TBCD: variants seen among roughly 807,000 people sequenced by gnomAD.
The protein encoded by TBCD is tubulin folding cofactor D, also known as tubulin-specific chaperone D.
A neutral mutation model predicts 169.3 loss-of-function variants in TBCD; 105 were observed. The ratio of observed to expected loss-of-function variants is 0.62; its 90% CI spans 0.53 to 0.73. TBCD has a LOEUF of 0.73. Among genes scored for constraint, TBCD ranks in the 30% least tolerant of loss-of-function variants. TBCD has a pLI of 0.00. For missense variants in TBCD, 1,444 were observed against 1,600.1 expected (o/e 0.90, Z 1.66); for synonymous variants, 700 against 643.9 (o/e 1.09, Z -1.32).
intron 30 of TBCD, among the ~76,000 whole-genome samples, 158 bp from the exon 31 acceptor site, chr17:82,928,955 C>T (rs1050877089): frequency 6.6e-6 from 1 of 152,132 alleles, no homozygotes; most frequent in Non-Finnish European, 1.5e-5. Context: ...AGCCAGTGTC[C>T]TGGTGTCAGC....
chr17:82,914,677 C>T (rs1313606340), intron 23 of TBCD, among the ~76,000 whole-genome samples: 1 of 152,216 alleles, frequency 6.6e-6, no homozygotes, highest in African/African-American at 2.4e-5. Context: ...CCTCAGCTCC[C>T]GGCGCCGGCC....
At chr17:82,755,629 C>A (rs1431663625) in intron 1 of TBCD, among the ~76,000 whole-genome samples, 1 of 152,148 alleles carries the variant, frequency 6.6e-6, no homozygotes, top group African/African-American at 2.4e-5. Context: ...GACCACTCCC[C>A]ACAATCCCTT....
intron 23 of TBCD, among the ~76,000 whole-genome samples, chr17:82,912,833 C>T (rs1254889053): frequency 1.3e-5 from 2 of 152,240 alleles, no homozygotes; most frequent in East Asian, 1.9e-4. Flanking sequence ...CTGAGAGCAG[C>T]CAGCTTGCAT....
rs776236812 is a variant in TBCD at position 82,929,290 on chromosome 17, C to G, written c.2852+19C>G. The G allele has an allele frequency of 1.2e-6, 2 of 1,611,624 alleles. No individual in the cohort carries two copies. The highest frequency in any genetic ancestry group is 1.7e-6 in the Non-Finnish European group (2 of 1,178,270). On this transcript the variant is annotated intron_variant, in intron 31 of 38. Transcript: ENST00000355528. ...TTCCCAGGTACTGTCGGGGTGTAGG[C>G]CCCCCGTGCTGGCCCCGCAGCCATG...
chr17:82,857,774 T>A (rs1330989031), intron 13 of TBCD, among the ~76,000 whole-genome samples: 1 of 149,676 alleles, frequency 6.7e-6, no homozygotes. Flanking sequence ...TTTAATTTAA[T>A]TTTTTTTTCA....
intron 9 of TBCD, among the ~76,000 whole-genome samples, chr17:82,804,908 A>G (rs925966984): frequency 2.5e-4 from 38 of 152,220 alleles, no homozygotes; most frequent in African/African-American, 8.9e-4. Flanking sequence ...AGTCATTCGA[A>G]GCAGGTTGAT....
intron 6 of TBCD, among the ~76,000 whole-genome samples, chr17:82,779,705 T>G (rs1344013812): frequency 6.6e-6 from 1 of 151,478 alleles, no homozygotes; most frequent in Admixed American, 6.6e-5. Flanking sequence ...GCCAACTAGA[T>G]GGATGTGCTG....
chr17:82,883,931 C>T (rs111991254), intron 14 of TBCD, among the ~76,000 whole-genome samples: 18 of 152,028 alleles, frequency 1.2e-4, no homozygotes, highest in African/African-American at 3.6e-4. Flanking sequence ...GAACCAGGGT[C>T]GGCCACCCCC....
At chr17:82,792,376 T>A (rs778603472) in intron 7 of TBCD, among the ~76,000 whole-genome samples, 2 of 151,710 alleles carry the variant, frequency 1.3e-5, no homozygotes, top group African/African-American at 4.8e-5. Context: ...CACACACATA[T>A]ATGTGTATAT....
In TBCD at chr17:82,845,224, C is replaced by T. The variant is rs143037719; in HGVS notation, c.1319-25000C>T. On this transcript the variant is annotated intron_variant, in intron 13 of 38. Transcript: ENST00000355528. ...GGTGAGGCACAGGACATGGCCGGCT[C>T]GGCCCCTTCCTCTCCATCCTGTCCA... Among the ~76,000 whole-genome samples the T allele has an allele frequency of 4.9e-3, 753 of 152,294 alleles. 2 individuals are homozygous for T. The highest frequency in any genetic ancestry group is 7.5e-3 in the Non-Finnish European group (507 of 68,006).
intron 13 of TBCD, among the ~76,000 whole-genome samples, chr17:82,866,182 G>T (rs539351611): frequency 2.0e-4 from 31 of 152,248 alleles, no homozygotes; most frequent in Admixed American, 3.9e-4. Context: ...TCGCCCAGGT[G>T]CCTGGCTGTC....
At chr17:82,902,409 A>T (rs376040852) in intron 18 of TBCD, among the ~76,000 whole-genome samples, 130 of 152,362 alleles carry the variant, frequency 8.5e-4, no homozygotes, top group Middle Eastern at 6.8e-3. Context: ...GCGGCTGCAG[A>T]CTGCATTGCC....
At chr17:82,813,243 T>C (rs2051586805) in intron 12 of TBCD, among the ~76,000 whole-genome samples, 1 of 152,186 alleles carries the variant, frequency 6.6e-6, no homozygotes, top group Admixed American at 6.5e-5. Context: ...CTGAGACCCG[T>C]GTACCTGCGA....
At chr17:82,772,839 C>T (rs1275801902) in intron 6 of TBCD, among the ~76,000 whole-genome samples, 1 of 152,080 alleles carries the variant, frequency 6.6e-6, no homozygotes, top group Non-Finnish European at 1.5e-5. Context: ...AGAAACATCT[C>T]GGGCCGTCTC....
At chr17:82,847,516 T>C (rs1050346089) in intron 13 of TBCD, among the ~76,000 whole-genome samples, 2 of 152,308 alleles carry the variant, frequency 1.3e-5, no homozygotes, top group African/African-American at 4.8e-5. Context: ...TGGGGAAAGC[T>C]TTCTTTCTGG....
intron 5 of TBCD, among the ~76,000 whole-genome samples, chr17:82,771,719 T>C (rs59320075): frequency 0.068 from 10,324 of 152,178 alleles, 868 homozygotes; most frequent in African/African-American, 0.2. Flanking sequence ...GTGCCCAGCC[T>C]ACAGTGAGCT....
At chr17:82,793,675 T>C (rs1401730225) in intron 7 of TBCD, among the ~76,000 whole-genome samples, 1 of 152,190 alleles carries the variant, frequency 6.6e-6, no homozygotes, top group Non-Finnish European at 1.5e-5. Flanking sequence ...GGCTGTGCTC[T>C]CAAGGCATTC....
chr17:82,907,502 G>A (rs1245873341), intron 20 of TBCD, among the ~76,000 whole-genome samples: 2 of 152,216 alleles, frequency 1.3e-5, no homozygotes, highest in Non-Finnish European at 2.9e-5. Flanking sequence ...GGGCAACATA[G>A]TGAGACCCCA....
In TBCD at chr17:82,809,766, G is replaced by T; in HGVS notation, c.1207G>T (p.Val403Leu). Reference sequence around the variant, plus strand: ...CCTGGCGGATGATGTGGTCGGGTCTGTGCTGGACTGCTTCAGGTATGTGAG... The same window carrying T: ...CCTGGCGGATGATGTGGTCGGGTCTTTGCTGGACTGCTTCAGGTATGTGAG... ...RALADDVVGS[V>L]LDCFSFQETD... The change falls in exon 12 of 39, where the codon GTG becomes TTG. Residue 403 changes from valine to leucine, a missense_variant. Physicochemically the swap from Val to Leu is conservative, Grantham distance 32 (BLOSUM62 1). Coordinates refer to ENST00000355528, the MANE Select transcript of TBCD (RefSeq NM_005993.5). 2 of 1,613,648 alleles carry T rather than the reference G, an allele frequency of 1.2e-6. No homozygotes were observed. The highest frequency in any genetic ancestry group is 1.7e-6 in the Non-Finnish European group (2 of 1,179,726).
Sources: allele counts gnomAD v4.1 joint callset (sites outside exome capture counted in the v4.1 genomes callset), GRCh38; gene constraint gnomAD v4.1.1; transcripts MANE v1.5; gene names NCBI Gene and HGNC (gene_info 2026-07-23, HGNC 2026-07-21).